TLL2: variants seen among roughly 807,000 people sequenced by gnomAD.
The protein encoded by TLL2 is tolloid-like protein 2.
TLL2 carries 106 observed loss-of-function variants against 123.0 expected under a neutral mutation model. The ratio of observed to expected loss-of-function variants is 0.86; its 90% CI spans 0.74 to 1.01. TLL2 has a LOEUF of 1.01. Ranked by LOEUF, TLL2 falls within the 50% of genes least tolerant of loss-of-function variation. The pLI, the probability that TLL2 is intolerant of heterozygous loss-of-function variation, is 0.00. For missense variants in TLL2, 1,332 were observed against 1,336.7 expected (o/e 1.00, Z 0.06); for synonymous variants, 494 against 516.8 (o/e 0.96, Z 0.60).
At chr10:96,426,977 C>T (rs760370652) in intron 5 of TLL2, among the ~76,000 whole-genome samples, 16 of 152,188 alleles carry the variant, frequency 1.1e-4, no homozygotes, top group East Asian at 3.9e-4. Context: ...CTATTGTCAA[C>T]GGGTGATGTG....
Position 96,424,842 on chromosome 10 carries a change from C to A in TLL2, c.639-2115G>T, listed in dbSNP as rs2134077305. Among the ~76,000 whole-genome samples the A allele has an allele frequency of 2.0e-5, 3 of 152,050 alleles. No individual in the cohort carries two copies. The South Asian group carries it at 6.2e-4, about 32-fold the overall frequency. On this transcript the variant is annotated intron_variant, in intron 5 of 20. Transcript: ENST00000357947. ...AATGTATTCATTTTCTTATGTGCTG[C>A]TTAGAAAGGTCATCCATATTTCAAG...
At chr10:96,446,765 A>G (rs1485061771) in intron 2 of TLL2, among the ~76,000 whole-genome samples, 2 of 152,224 alleles carry the variant, frequency 1.3e-5, no homozygotes, top group Non-Finnish European at 2.9e-5. Context: ...CGTGTTTGCT[A>G]GTAGCCATCA....
At chr10:96,397,536 A>G (rs1846353591) in intron 10 of TLL2, among the ~76,000 whole-genome samples, 1 of 152,194 alleles carries the variant, frequency 6.6e-6, no homozygotes, top group African/African-American at 2.4e-5. Flanking sequence ...CCAAATTCCC[A>G]TCAAAGTATC....
chr10:96,476,248 T>TTTTTTTTTTTGTTG lies in TLL2; in HGVS notation c.286+4100_286+4101insCAACAAAAAAAAAA, dbSNP rs1285354320. Among the ~76,000 whole-genome samples the TTTTTTTTTTTGTTG allele has an allele frequency of 6.8e-3, 470 of 69,100 alleles. 32 individuals are homozygous for TTTTTTTTTTTGTTG. Among genetic ancestry groups the TTTTTTTTTTTGTTG allele is most frequent in the African/African-American group, 0.026 (423 of 15,978 alleles). 45.3% of individuals were successfully genotyped at this position (69,100 alleles called of 152,430 possible). A position where few individuals can be genotyped will look rare whatever the true frequency, so the allele number is the denominator to read the frequency against. Reference sequence around the variant, plus strand: ...TATATATATATATATATATTTTATTTTTGTTGTTGTTGTTGTTGTTGAGAC... The same window carrying TTTTTTTTTTTGTTG: ...TATATATATATATATATATTTTATTTTTTTTTTTTTGTTGTTGTTGTTGTTGTTGTTGTTGAGAC... On this transcript the variant is annotated intron_variant, in intron 2 of 20. Coordinates refer to ENST00000357947, the MANE Select transcript of TLL2 (RefSeq NM_012465.4).
At chr10:96,405,381 A>T (rs777847478) in intron 9 of TLL2, 47 bp from the exon 10 acceptor site, 8 of 1,580,392 alleles carry the variant, frequency 5.1e-6, no homozygotes, top group Non-Finnish European at 8.7e-7. Flanking sequence ...AAGCCTGAGG[A>T]GTTTGGGAAG....
intron 2 of TLL2, among the ~76,000 whole-genome samples, chr10:96,475,781 C>T (rs114014197): frequency 0.014 from 2,168 of 152,272 alleles, 51 homozygotes; most frequent in African/African-American, 0.049. Context: ...CAAATCTCAT[C>T]TTACAGCTCC....
intron 3 of TLL2, among the ~76,000 whole-genome samples, chr10:96,438,858 C>G (rs1846822872): frequency 6.6e-6 from 1 of 151,946 alleles, no homozygotes; most frequent in Non-Finnish European, 1.5e-5. Context: ...GAGTTTTTAT[C>G]GTGAATAGGT....
At chr10:96,389,224 C>T (rs1186970770) in intron 13 of TLL2, among the ~76,000 whole-genome samples, 1 of 152,320 alleles carries the variant, frequency 6.6e-6, no homozygotes, top group Non-Finnish European at 1.5e-5. Context: ...CTGAGCCTCC[C>T]TCCTGCTTTA....
In TLL2 at chr10:96,478,976, C is replaced by T. The variant is rs142702953; in HGVS notation, c.286+1373G>A. Among the ~76,000 whole-genome samples, 452 of 152,288 alleles carry T rather than the reference C, an allele frequency of 3.0e-3. 2 individuals carry two copies. The highest frequency in any genetic ancestry group is 0.01 in the African/African-American group (425 of 41,540). The stretch of plus-strand genomic sequence containing the variant: ...AAAAGTTTTAAAACTATTTTAACTA[C>T]ACATACAAGATTACAGTCAGGTCAG... On this transcript the variant is annotated intron_variant, in intron 2 of 20. Transcript: ENST00000357947.
chr10:96,486,730 C>T (rs1847360044), intron 1 of TLL2, among the ~76,000 whole-genome samples: 1 of 152,214 alleles, frequency 6.6e-6, no homozygotes, highest in African/African-American at 2.4e-5. Context: ...CTGTAGAGAG[C>T]ACCCCTGGGA....
chr10:96,471,398 A>AG (rs1331614848), intron 2 of TLL2, among the ~76,000 whole-genome samples: 1 of 152,162 alleles, frequency 6.6e-6, no homozygotes, highest in African/African-American at 2.4e-5. Flanking sequence ...ACACTGATAC[A>AG]GGCCCTGCTC....
intron 8 of TLL2, 113 bp downstream of exon 8, chr10:96,413,079 T>C: frequency 6.8e-7 from 1 of 1,461,078 alleles, no homozygotes; most frequent in Non-Finnish European, 9.2e-7. Flanking sequence ...ACACCAGAAA[T>C]TAAAGCTGCC....
intron 20 of TLL2, among the ~76,000 whole-genome samples, chr10:96,369,742 G>A (rs1564891818): frequency 6.7e-6 from 1 of 148,508 alleles, no homozygotes; most frequent in Non-Finnish European, 1.5e-5. Context: ...GCAAGACTCC[G>A]TCTCGGGGGA....
chr10:96,430,890 A>G (rs1846732332), intron 4 of TLL2, among the ~76,000 whole-genome samples: 1 of 152,222 alleles, frequency 6.6e-6, no homozygotes, highest in Non-Finnish European at 1.5e-5. Flanking sequence ...TCAAAAAAAT[A>G]AAAGAAAGAA....
chr10:96,497,982 C>T (rs1010719), intron 1 of TLL2, among the ~76,000 whole-genome samples: 42,199 of 152,152 alleles, frequency 0.28, 6,116 homozygotes, highest in Middle Eastern at 0.5. Flanking sequence ...ACAGCATGAG[C>T]TCACACGGGC....
At position 96,405,258 on chromosome 10, in the gene TLL2, C is replaced by A. The variant is rs755630754; in HGVS notation, c.1241G>T (p.Gly414Val). ...CAAAAGGGGGGCTTTTCTCCAGTAA[C>A]CATCCCGGACCTCCACGTAATCATA... ...CWYDYVEVRD[G>V]YWRKAPLLGR... The change falls in exon 10 of 21, where the codon GGT becomes GTT. Residue 414 changes from glycine (G) to valine (V), a missense_variant. Coordinates refer to ENST00000357947, the MANE Select transcript of TLL2 (RefSeq NM_012465.4). 2.5e-6 allele frequency: 4 copies of A among 1,614,030 alleles called. No individual in the cohort carries two copies. Among genetic ancestry groups the A allele is most frequent in the African/African-American group, 2.7e-5 (2 of 74,902 alleles).
chr10:96,379,097 G>A lies in TLL2; in HGVS notation c.2195-5C>T, dbSNP rs1846163865. ...CCTTGGCACACTCGTCCTTATCTGG[G>A]GAGATCAATGAACTCTTCTAAGAGG... On this transcript the variant is annotated splice_region_variant and splice_polypyrimidine_tract_variant and intron_variant, in intron 16 of 20. Coordinates refer to ENST00000357947, the MANE Select transcript of TLL2 (RefSeq NM_012465.4). 6.2e-7 allele frequency: 1 copy of A among 1,613,284 alleles called. No individual in the cohort carries two copies. Among genetic ancestry groups the A allele is most frequent in the Non-Finnish European group, 8.5e-7 (1 of 1,179,370 alleles).
At chr10:96,467,665 G>A (rs973565509) in intron 2 of TLL2, among the ~76,000 whole-genome samples, 1 of 152,190 alleles carries the variant, frequency 6.6e-6, no homozygotes, top group Non-Finnish European at 1.5e-5. Flanking sequence ...AAAGCCTTTA[G>A]TAGGGTTTAT....
Position 96,480,237 on chromosome 10 carries a change from G to T in TLL2, c.286+112C>A, listed in dbSNP as rs1242712327. 5.9e-6 allele frequency: 5 copies of T among 842,680 alleles called. No individual in the cohort carries two copies. In the East Asian group the frequency reaches 1.0e-4, roughly 17 times the overall value. 52.2% of individuals were successfully genotyped at this position (842,680 alleles called of 1,614,324 possible). On this transcript the variant is annotated intron_variant, in intron 2 of 20. Coordinates refer to ENST00000357947, the MANE Select transcript of TLL2 (RefSeq NM_012465.4). ...GACCCCTCTGATTTTCCACAAATAG[G>T]GGGGCATTAGACTAGCAAGTCAAAC...
Sources: gnomAD v4.1 joint callset for allele counts (sites outside exome capture counted in the v4.1 genomes callset) on GRCh38, gnomAD v4.1.1 for gene constraint, MANE v1.5 for transcripts, NCBI Gene and HGNC (gene_info 2026-07-23, HGNC 2026-07-21) for gene names.